RNGTT: variants seen among roughly 807,000 people sequenced by gnomAD.
RNGTT encodes the protein RNA guanylyltransferase and 5'-phosphatase.
In RNGTT, 33 loss-of-function variants were observed where a neutral mutation model predicts 79.3. The ratio of observed to expected loss-of-function variants is 0.42; its 90% confidence interval spans 0.32 to 0.56. RNGTT has a LOEUF of 0.56. Among genes scored for constraint, RNGTT ranks in the 20% least tolerant of loss-of-function variants. RNGTT has a pLI of 0.17. For synonymous variants in RNGTT, 222 were observed against 235.9 expected (o/e 0.94, Z 0.54); for missense variants, 497 against 739.1 (o/e 0.67, Z 3.80).
chr6:88,722,869 C>T (rs991462325), intron 13 of RNGTT, among the ~76,000 whole-genome samples: 1 of 152,126 alleles, frequency 6.6e-6, no homozygotes, highest in African/African-American at 2.4e-5. Context: ...TAGTGCAATG[C>T]ATTATTCACA....
chr6:88,789,492 G>A (rs1033618418), intron 12 of RNGTT, among the ~76,000 whole-genome samples: 4 of 152,104 alleles, frequency 2.6e-5, no homozygotes, highest in African/African-American at 4.8e-5. Context: ...CCCGGGAGGC[G>A]GAGGTTGCAG....
At chr6:88,774,904 G>T (rs1778820248) in intron 12 of RNGTT, among the ~76,000 whole-genome samples, 1 of 152,090 alleles carries the variant, frequency 6.6e-6, no homozygotes, top group Non-Finnish European at 1.5e-5. Flanking sequence ...GGAGGTGGTT[G>T]TACAACACTG....
At chr6:88,918,825 A>C (rs1470836332) in intron 4 of RNGTT, among the ~76,000 whole-genome samples, 4 of 152,226 alleles carry the variant, frequency 2.6e-5, no homozygotes, top group Non-Finnish European at 5.9e-5. Flanking sequence ...CAATTCAAGC[A>C]ACAAATATTT....
At chr6:88,816,058 T>C (rs981645793) in intron 11 of RNGTT, among the ~76,000 whole-genome samples, 1 of 152,232 alleles carries the variant, frequency 6.6e-6, no homozygotes, top group South Asian at 2.1e-4. Flanking sequence ...GTATGAAATA[T>C]ATTGTGAACA....
intron 8 of RNGTT, among the ~76,000 whole-genome samples, chr6:88,882,242 T>C (rs1782714618): frequency 6.6e-6 from 1 of 152,200 alleles, no homozygotes; most frequent in South Asian, 2.1e-4. Flanking sequence ...ATAAATTTTA[T>C]TTACACTTAT....
chr6:88,658,462 T>C (rs1210671174), intron 14 of RNGTT, among the ~76,000 whole-genome samples: 2 of 152,202 alleles, frequency 1.3e-5, no homozygotes, highest in African/African-American at 4.8e-5. Context: ...AGGGGCCAGG[T>C]AGCCCCGCTG....
chr6:88,761,444 T>C lies in RNGTT; in HGVS notation c.1439+8330A>G, dbSNP rs147506278. The stretch of plus-strand genomic sequence containing the variant: ...AGGTGGACGGTACAGTGAGCTGAGA[T>C]TGCACCACTGCACTCCAGCCTGGGC... On this transcript the variant is annotated intron_variant, in intron 13 of 15. Coordinates refer to ENST00000369485, the MANE Select transcript of RNGTT (RefSeq NM_003800.5). Among the ~76,000 whole-genome samples, 758 of 152,158 alleles carry C rather than the reference T, an allele frequency of 5.0e-3. 5 individuals carry two copies. The highest frequency in any genetic ancestry group is 0.017 in the African/African-American group (700 of 41,516).
At chr6:88,827,368 C>T (rs560250749) in intron 11 of RNGTT, among the ~76,000 whole-genome samples, 8 of 152,308 alleles carry the variant, frequency 5.3e-5, no homozygotes, top group South Asian at 2.1e-4. Context: ...CCAGATACTA[C>T]GCTCTTCCCA....
intron 13 of RNGTT, among the ~76,000 whole-genome samples, chr6:88,747,832 G>A (rs1169770841): frequency 6.6e-6 from 1 of 152,154 alleles, no homozygotes; most frequent in East Asian, 1.9e-4. Context: ...ACTCACAGAA[G>A]CTAACAGGTA....
At chr6:88,723,873 C>A (rs1487594469) in intron 13 of RNGTT, among the ~76,000 whole-genome samples, 2 of 151,976 alleles carry the variant, frequency 1.3e-5, no homozygotes, top group African/African-American at 2.4e-5. Context: ...TACAAGCACG[C>A]CCCACCATGC....
chr6:88,795,338 C>T (rs1045000968), intron 12 of RNGTT, among the ~76,000 whole-genome samples: 5 of 152,176 alleles, frequency 3.3e-5, no homozygotes, highest in African/African-American at 9.7e-5. Context: ...TTTCCATCTA[C>T]AAACTCAGTA....
intron 11 of RNGTT, among the ~76,000 whole-genome samples, chr6:88,808,644 G>A (rs1780036524): frequency 1.3e-5 from 2 of 152,166 alleles, no homozygotes; most frequent in Non-Finnish European, 2.9e-5. Flanking sequence ...CCAGCTGGAT[G>A]TATGTCTGTA....
rs910607876 is a variant in RNGTT, at chr6:88,801,556, G to A, written c.1338+8C>T. ...AACGAACACACACACACAGACAAAT[G>A]AACTTACTCCAGTAGGCTGAAAAAT... On this transcript the variant is annotated splice_region_variant and intron_variant, in intron 12 of 15. Transcript: ENST00000369485. 4 of 1,602,068 alleles carry A rather than the reference G, an allele frequency of 2.5e-6. No individual in the cohort carries two copies. Among genetic ancestry groups the A allele is most frequent in the Non-Finnish European group, 3.4e-6 (4 of 1,173,118 alleles).
chr6:88,913,317 T>A (rs1179211018), intron 4 of RNGTT, among the ~76,000 whole-genome samples: 1 of 145,600 alleles, frequency 6.9e-6, no homozygotes, highest in Non-Finnish European at 1.5e-5. Context: ...ACTGAAACAA[T>A]CCCCAAAAAT....
chr6:88,884,787 A>G (rs1305643128), intron 8 of RNGTT, among the ~76,000 whole-genome samples: 1 of 152,248 alleles, frequency 6.6e-6, no homozygotes, highest in African/African-American at 2.4e-5. Context: ...GGAACACAGT[A>G]CACTTTATAT....
chr6:88,813,398 C>G (rs1362805018), intron 11 of RNGTT, among the ~76,000 whole-genome samples: 2 of 152,142 alleles, frequency 1.3e-5, no homozygotes, highest in Admixed American at 1.3e-4. Flanking sequence ...CTCCCTAAAC[C>G]TTTTCTAATG....
intron 8 of RNGTT, among the ~76,000 whole-genome samples, chr6:88,878,348 C>T (rs564731008): frequency 2.4e-4 from 37 of 152,210 alleles, no homozygotes; most frequent in African/African-American, 8.7e-4. Context: ...CCACCCACCT[C>T]GGCCTCCCAA....
intron 2 of RNGTT, among the ~76,000 whole-genome samples, chr6:88,930,044 A>ATG (rs777669810): frequency 1.7e-4 from 25 of 143,684 alleles, no homozygotes; most frequent in African/African-American, 4.9e-4. Flanking sequence ...ATATATGCAT[A>ATG]TATACATATA....
intron 14 of RNGTT, among the ~76,000 whole-genome samples, chr6:88,646,009 T>C (rs1315177828): frequency 6.6e-6 from 1 of 152,132 alleles, no homozygotes; most frequent in East Asian, 1.9e-4. Context: ...AAATGGGATC[T>C]AATTAAACTA....
Sources: gnomAD v4.1 joint callset for allele counts (sites outside exome capture counted in the v4.1 genomes callset) on GRCh38, gnomAD v4.1.1 for gene constraint, MANE v1.5 for transcripts, NCBI Gene and HGNC (gene_info 2026-07-23, HGNC 2026-07-21) for gene names.